The following CSPG4 variants were observed in gnomAD, a reference collection of about 807,000 sequenced individuals.
CSPG4 encodes the protein chondroitin sulfate proteoglycan 4 (melanoma-associated).
In CSPG4, 74 loss-of-function variants were observed where a neutral mutation model predicts 139.3. The observed-to-expected ratio is 0.53, with a 90% CI of 0.44 to 0.64. The LOEUF is 0.64. Ranked by LOEUF, CSPG4 falls within the 30% of genes least tolerant of loss-of-function variation. CSPG4 has a pLI of 0.00. For missense variants in CSPG4, 2,565 were observed against 3,148.3 expected, an observed-to-expected ratio of 0.81 and a Z score of 4.43; for synonymous variants, 1,234 against 1,394.2, an observed-to-expected ratio of 0.89 and a Z score of 2.56.
Position 75,685,518 on chromosome 15 carries a change from G to C in CSPG4, c.3973C>G (p.Pro1325Ala). The change falls in exon 4 of 10, where the codon CCT (proline) becomes GCT (alanine). Residue 1325 changes from proline to alanine, a missense_variant. Physicochemically the swap from Pro to Ala is conservative, Grantham distance 27 (BLOSUM62 -1). Transcript: ENST00000308508. Reference protein sequence around the residue: ...TGRVLYLHSRPEAWSDAFSLD... With the variant: ...TGRVLYLHSRAEAWSDAFSLD... ...GAGAAGGCATCGCTCCAGGCCTCAG[G>C]GCGGGAGTGCAGGTACAGGACCCTG... 6.2e-7 allele frequency: 1 copy of C among 1,608,782 alleles called. No individual in the cohort carries two copies. The highest frequency in any genetic ancestry group is 2.2e-5 in the East Asian group (1 of 44,782).
chr15:75,712,858 C>G, upstream of CSPG4: 1 of 986,732 alleles, frequency 1.0e-6, no homozygotes, highest in Non-Finnish European at 1.4e-6. Context: ...CGGGCCGGCT[C>G]CGGGTGTCCG....
At chr15:75,691,502 T>C (rs1300512755) in intron 2 of CSPG4, among the ~76,000 whole-genome samples, 3 of 152,212 alleles carry the variant, frequency 2.0e-5, no homozygotes, top group African/African-American at 7.2e-5. Context: ...ATTTCAACTT[T>C]GGAATAATGG....
In CSPG4 at chr15:75,675,703, G is replaced by A. The variant is rs773175028; in HGVS notation, c.6816C>T (p.Thr2272=). The A allele has an allele frequency of 8.2e-6, 13 of 1,576,144 alleles. No individual in the cohort carries two copies. The highest frequency in any genetic ancestry group is 3.5e-5 in the South Asian group (3 of 85,430). ...CTGGCTCCACCTTGCGAAAGGTCTC[G>A]GTGTCACCAGCCAGGCCGTTGCGGG... is the stretch of plus-strand genomic sequence containing the variant. The part of the protein sequence containing the change: ...AKPRNGLAGD[T]ETFRKVEPGQ... Residue 2272 remains threonine (T), a synonymous_variant, in exon 10 of 10, where the codon ACC becomes ACT. Transcript: ENST00000308508.
In CSPG4 at chr15:75,696,405, G is replaced by A. The variant is rs1413812085; in HGVS notation, c.89-3172C>T. Among the ~76,000 whole-genome samples the A allele has an allele frequency of 1.3e-5, 2 of 152,094 alleles. No homozygotes were observed. The highest frequency in any genetic ancestry group is 2.9e-5 in the Non-Finnish European group (2 of 68,010). ...TCTCTCTCTGGAAGGCGCGTCAGTGGGCGTCCAGGGCTGTATATTAATAGA... is the reference window on the plus strand; with the variant it reads ...TCTCTCTCTGGAAGGCGCGTCAGTGAGCGTCCAGGGCTGTATATTAATAGA... On this transcript the variant is annotated intron_variant, in intron 1 of 9. Coordinates refer to ENST00000308508, the MANE Select transcript of CSPG4 (RefSeq NM_001897.5). The surrounding 1 kb of genome is among the most constrained non-coding windows in gnomAD (Gnocchi z 4.2).
chr15:75,690,386 C>T lies in CSPG4; in HGVS notation c.679G>A (p.Glu227Lys). Residue 227 changes from glutamate to lysine, a missense_variant, in exon 3 of 10, where the codon GAG becomes AAG. By Grantham distance (56) the Glu-to-Lys change is moderately conservative. Around this residue, in one of 5 missense-constraint regions of CSPG4, gnomAD observed 40 missense variants for 89.0 expected, o/e 0.45. Coordinates refer to ENST00000308508, the MANE Select transcript of CSPG4 (RefSeq NM_001897.5). ...AWGTQDEGTL[E>K]FTLTTQSRQA... Reference sequence around the variant, plus strand: ...CGGCTCTGTGTGGTGAGTGTAAACTCTAGGGTTCCTTCGTCCTGAGTGCCC... The same window carrying T: ...CGGCTCTGTGTGGTGAGTGTAAACTTTAGGGTTCCTTCGTCCTGAGTGCCC... 6.2e-7 allele frequency: 1 copy of T among 1,610,402 alleles called. No homozygotes were observed. Among genetic ancestry groups the T allele is most frequent in the South Asian group, 1.1e-5 (1 of 90,994 alleles).
chr15:75,689,884 T>G lies in CSPG4; in HGVS notation c.1181A>C (p.His394Pro), dbSNP rs538088841. 6.2e-7 allele frequency: 1 copy of G among 1,612,162 alleles called. No individual in the cohort carries two copies. Among genetic ancestry groups the G allele is most frequent in the East Asian group, 2.2e-5 (1 of 44,860 alleles). ...EEEYEDDAYG[H>P]YEAFSTLAPE... ...GGCCAGGGTGGAGAAAGCTTCATAA[T>G]GTCCATAGGCATCGTCCTCATACTC... is the stretch of plus-strand genomic sequence containing the variant. Residue 394 changes from histidine (H) to proline (P), a missense_variant, in exon 3 of 10, where the codon CAT (histidine) becomes CCT (proline). Physicochemically the swap from His to Pro is moderately conservative, Grantham distance 77 (BLOSUM62 -2). This residue lies in a region of CSPG4 where 2,316 missense variants were observed against 2,818.2 expected (regional missense o/e 0.82). Coordinates refer to ENST00000308508, the MANE Select transcript of CSPG4 (RefSeq NM_001897.5).
chr15:75,698,186 C>T lies in CSPG4; in HGVS notation c.89-4953G>A, dbSNP rs143030701. 8.8e-3 allele frequency among the ~76,000 whole-genome samples: 1,336 copies of T among 152,188 alleles called. 8 individuals are homozygous for T. The highest frequency in any genetic ancestry group is 0.044 in the Middle Eastern group (13 of 294). ...CACCGCCCCTCGGGGTTTGGCACCACGGCGGGAGATCCTGGCTCCAGGTCT... is the reference window on the plus strand; with the variant it reads ...CACCGCCCCTCGGGGTTTGGCACCATGGCGGGAGATCCTGGCTCCAGGTCT... On this transcript the variant is annotated intron_variant, in intron 1 of 9. Transcript: ENST00000308508. This position sits in a 1 kb window ranked among gnomAD's most constrained non-coding sequence, Gnocchi z 4.3.
intron 1 of CSPG4, among the ~76,000 whole-genome samples, chr15:75,700,935 C>T (rs1566977392): frequency 6.6e-6 from 1 of 152,194 alleles, no homozygotes. Flanking sequence ...GGGCTCACCC[C>T]ACAGACAGAA....
Position 75,687,765 on chromosome 15 carries a change from A to G in CSPG4, c.3300T>C (p.Arg1100=), listed in dbSNP as rs1366935823. 5.0e-6 allele frequency: 8 copies of G among 1,612,802 alleles called. No homozygotes were observed. Among genetic ancestry groups the G allele is most frequent in the Non-Finnish European group, 6.8e-6 (8 of 1,180,010 alleles). The change falls in exon 3 of 10, where the codon CGT becomes CGC. Residue 1100 remains arginine (R), a synonymous_variant. Coordinates refer to ENST00000308508, the MANE Select transcript of CSPG4 (RefSeq NM_001897.5). The surrounding 1 kb of genome is among the most constrained non-coding windows in gnomAD (Gnocchi z 5.4). ...CGGACACCTGCAGCTGGATCCAGCC[A>G]CGGTCAGCCCCTGAGTGCACGAACA... ...RVLFVHSGAD[R]GWIQLQVSDG...
Position 75,677,180 on chromosome 15 carries a change from GC to G in CSPG4, c.5338del (p.Ala1780LeufsTer5), listed in dbSNP as rs1287021872. On this transcript the variant is annotated frameshift_variant, in exon 10 of 10. Coordinates refer to ENST00000308508, the MANE Select transcript of CSPG4 (RefSeq NM_001897.5). LOFTEE classifies it low-confidence loss of function (END_TRUNC). ...GQPHFLQSQLAAGQLVYAHGG... is the reference protein window; with the variant it reads ...GQPHFLQSQLXAGQLVYAHGG... ...GTGGGCATACACTAGCTGCCCTGCAGCCAGCTGGGACTGCAGGAAGTGGGGC... is the reference window on the plus strand; with the variant it reads ...GTGGGCATACACTAGCTGCCCTGCAGCAGCTGGGACTGCAGGAAGTGGGGC... The G allele has an allele frequency of 1.4e-6, 2 of 1,436,760 alleles. No homozygotes were observed. The highest frequency in any genetic ancestry group is 1.8e-6 in the Non-Finnish European group (2 of 1,092,384). The allele number at this position is 1,436,760 out of a possible 1,614,324, so 89.0% of individuals were successfully genotyped here. A position where few individuals can be genotyped will look rare whatever the true frequency, so the allele number is the denominator to read the frequency against.
chr15:75,696,582 G>A lies in CSPG4; in HGVS notation c.89-3349C>T, dbSNP rs1169185039. ...TGTGCCCGGGCCTGTCCTGCCCTTC[G>A]GTGCCCGCCTGCCATTACTTGGCTG... On this transcript the variant is annotated intron_variant, in intron 1 of 9. Transcript: ENST00000308508. The surrounding 1 kb of genome is among the most constrained non-coding windows in gnomAD (Gnocchi z 4.2). Among the ~76,000 whole-genome samples, 1 of 152,042 alleles carries A rather than the reference G, an allele frequency of 6.6e-6. No individual in the cohort carries two copies. Among genetic ancestry groups the A allele is most frequent in the Non-Finnish European group, 1.5e-5 (1 of 67,978 alleles).
chr15:75,685,214 C>T lies in CSPG4; in HGVS notation c.4272+5G>A, dbSNP rs199587168. ...GCAGCCCCTGGGCCTCTCTCACAGC[C>T]ATACCATTCTCCAGGAGAAGGCGCT... On this transcript the variant is annotated splice_donor_5th_base_variant and intron_variant, in intron 4 of 9. Transcript: ENST00000308508. The T allele has an allele frequency of 1.5e-5, 22 of 1,516,322 alleles. No homozygotes were observed. In the Middle Eastern group the frequency reaches 1.0e-3, roughly 69 times the overall value. 93.9% of individuals were successfully genotyped at this position (1,516,322 alleles called of 1,614,324 possible).
chr15:75,690,201 A>G lies in CSPG4; in HGVS notation c.864T>C (p.Ser288=). ...CCAGCCGGTGAGCATTGATGTGGACACTGACCTCATGGGGCTGCCCATCGG... is the reference window on the plus strand; with the variant it reads ...CCAGCCGGTGAGCATTGATGTGGACGCTGACCTCATGGGGCTGCCCATCGG... ...PVADGQPHEV[S]VHINAHRLEI... The change falls in exon 3 of 10, where the codon AGT becomes AGC. Residue 288 remains serine (S), a synonymous_variant. Coordinates refer to ENST00000308508, the MANE Select transcript of CSPG4 (RefSeq NM_001897.5). 2 of 1,613,356 alleles carry G rather than the reference A, an allele frequency of 1.2e-6. No homozygotes were observed. Among genetic ancestry groups the G allele is most frequent in the Non-Finnish European group, 1.7e-6 (2 of 1,179,880 alleles).
In CSPG4 at chr15:75,696,707, G is replaced by C. The variant is rs144751110; in HGVS notation, c.89-3474C>G. Among the ~76,000 whole-genome samples, 13 of 152,252 alleles carry C rather than the reference G, an allele frequency of 8.5e-5. No individual in the cohort carries two copies. Among genetic ancestry groups the C allele is most frequent in the South Asian group, 4.2e-4 (2 of 4,818 alleles). On this transcript the variant is annotated intron_variant, in intron 1 of 9. Coordinates refer to ENST00000308508, the MANE Select transcript of CSPG4 (RefSeq NM_001897.5). This position sits in a 1 kb window ranked among gnomAD's most constrained non-coding sequence, Gnocchi z 4.2. ...TTGCTAAAGGTGGGTACATCCTCAG[G>C]CTTCCCACCCTTCCTCCCCATAAAC...
At position 75,676,068 on chromosome 15, in the gene CSPG4, C is replaced by T. The variant is rs767875801; in HGVS notation, c.6451G>A (p.Val2151Ile). The change falls in exon 10 of 10, where the codon GTC becomes ATC. Residue 2151 changes from valine to isoleucine, a missense_variant. Physicochemically the swap from Val to Ile is conservative, Grantham distance 29. Coordinates refer to ENST00000308508, the MANE Select transcript of CSPG4 (RefSeq NM_001897.5). Reference sequence around the variant, plus strand: ...TCCAGGGAGGCCACAGCAGGCGGGACGCCCTGTGCCCACAGCTCCAGAGTG... The same window carrying T: ...TCCAGGGAGGCCACAGCAGGCGGGATGCCCTGTGCCCACAGCTCCAGAGTG... ...SLTLELWAQGVPPAVASLDFA... is the reference protein window; with the variant it reads ...SLTLELWAQGIPPAVASLDFA... The T allele has an allele frequency of 9.8e-6, 15 of 1,532,534 alleles. No homozygotes were observed. The highest frequency in any genetic ancestry group is 2.4e-5 in the South Asian group (2 of 83,942). The allele number at this position is 1,532,534 out of a possible 1,614,324, so 94.9% of individuals were successfully genotyped here.
In CSPG4 at chr15:75,676,827, C is replaced by T. The variant is rs371889355; in HGVS notation, c.5692G>A (p.Asp1898Asn). Residue 1898 changes from aspartate to asparagine, a missense_variant, in exon 10 of 10, where the codon GAT (aspartate) becomes AAT (asparagine). Asp to Asn is a conservative substitution (Grantham distance 23). Coordinates refer to ENST00000308508, the MANE Select transcript of CSPG4 (RefSeq NM_001897.5). ...AAGGCCAGCCGCCCTGAATCCACATCGGCTTGCGTGAAGCGGGTCACGGGC... is the reference window on the plus strand; with the variant it reads ...AAGGCCAGCCGCCCTGAATCCACATTGGCTTGCGTGAAGCGGGTCACGGGC... ...LGPVTRFTQA[D>N]VDSGRLAFVA... 3.2e-5 allele frequency: 49 copies of T among 1,547,204 alleles called. No homozygotes were observed. The highest frequency in any genetic ancestry group is 4.1e-5 in the African/African-American group (3 of 73,248).
Position 75,693,105 on chromosome 15 carries a change from G to A in CSPG4, c.217C>T (p.His73Tyr). The A allele has an allele frequency of 1.3e-6, 2 of 1,541,560 alleles. No homozygotes were observed. Among genetic ancestry groups the A allele is most frequent in the Non-Finnish European group, 1.8e-6 (2 of 1,132,088 alleles). ...LLLLAAGPAD[H>Y]LLLQLYSGRL... ...CCAGAGTAGAGCTGCAGCAGGAGGT[G>A]GTCAGCTGGGCCTGCTGCCAGGAGA... The change falls in exon 2 of 10, where the codon CAC (histidine) becomes TAC (tyrosine). Residue 73 changes from histidine (H) to tyrosine (Y), a missense_variant. Coordinates refer to ENST00000308508, the MANE Select transcript of CSPG4 (RefSeq NM_001897.5).
chr15:75,686,063 T>C (rs1341802818), intron 3 of CSPG4, among the ~76,000 whole-genome samples: 3 of 152,128 alleles, frequency 2.0e-5, no homozygotes, highest in Non-Finnish European at 2.9e-5. Flanking sequence ...AATTTTTAAA[T>C]TTTTTGTGTA....
At position 75,676,855 on chromosome 15, in the gene CSPG4, C is replaced by T; in HGVS notation, c.5664G>A (p.Leu1888=). ...CTTGCGTGAAGCGGGTCACGGGCCC[C>T]AGGCCACCACCCACCAGGCTGAGGA... ...NGFLSLVGGG[L]GPVTRFTQAD... The change falls in exon 10 of 10, where the codon CTG becomes CTA. Residue 1888 remains leucine, a synonymous_variant. Transcript: ENST00000308508. 6.3e-7 allele frequency: 1 copy of T among 1,576,856 alleles called. No individual in the cohort carries two copies. The highest frequency in any genetic ancestry group is 8.6e-7 in the Non-Finnish European group (1 of 1,161,258).
Sources: allele counts gnomAD v4.1 joint callset (sites outside exome capture counted in the v4.1 genomes callset), GRCh38; gene constraint gnomAD v4.1.1; regional missense constraint gnomAD v4.1.1; non-coding constraint Gnocchi (gnomAD v3.1); transcripts MANE v1.5; gene names NCBI Gene and HGNC (gene_info 2026-07-23, HGNC 2026-07-21).